Variants in PRSS12 observed in about 807,000 individuals in gnomAD.
The protein encoded by PRSS12 is serine protease 12, also known as neurotrypsin.
Under a neutral mutation model 104.4 loss-of-function variants are expected in PRSS12, and 85 were observed. The ratio of observed to expected loss-of-function variants is 0.81; its 90% CI spans 0.68 to 0.98. The LOEUF is 0.98. Ranked by LOEUF, PRSS12 falls within the 50% of genes least tolerant of loss-of-function variation. The pLI is 0.00. For synonymous variants in PRSS12, 454 were observed against 425.2 expected (o/e 1.07, Z -0.83); for missense variants, 1,141 against 1,139.2 (o/e 1.00, Z -0.02).
chr4:118,352,134 T>C, intron 1 of PRSS12, 85 bp downstream of exon 1: 3 of 1,565,548 alleles, frequency 1.9e-6, no homozygotes, highest in Middle Eastern at 1.8e-4. Flanking sequence ...CCCGTCACTT[T>C]TTCCAAGAGA....
At chr4:118,296,742 T>C (rs1320998892) in intron 9 of PRSS12, among the ~76,000 whole-genome samples, 2 of 152,152 alleles carry the variant, frequency 1.3e-5, no homozygotes, top group African/African-American at 4.8e-5. Flanking sequence ...GCAATAGTTA[T>C]TTCTTGGTGG....
At chr4:118,290,677 G>C (rs1012910593) in intron 11 of PRSS12, among the ~76,000 whole-genome samples, 1 of 151,918 alleles carries the variant, frequency 6.6e-6, no homozygotes, top group East Asian at 1.9e-4. Context: ...GTAAAATGAC[G>C]TAACCTGAGA....
At chr4:118,323,095 C>T (rs896324253) in intron 4 of PRSS12, among the ~76,000 whole-genome samples, 7 of 151,974 alleles carry the variant, frequency 4.6e-5, no homozygotes, top group South Asian at 4.1e-4. Flanking sequence ...TATTTACTCT[C>T]TGGCCCTTTA....
rs1742833361 is a variant in PRSS12, at chr4:118,280,999, T to C, written c.*937A>G. 6.6e-6 allele frequency: 1 copy of C among 152,244 alleles called. No individual in the cohort carries two copies. The highest frequency in any genetic ancestry group is 6.5e-5 in the Admixed American group (1 of 15,288). The allele number at this position is 152,244 out of a possible 1,614,324, so 9.4% of individuals were successfully genotyped here. ...TGCTGTATGTATTAGAACTTTTCAA[T>C]GTGTAGGCCAGGAAAGCATTTTGAC... On this transcript the variant is annotated 3_prime_UTR_variant, in exon 13 of 13. Transcript: ENST00000296498.
intron 8 of PRSS12, among the ~76,000 whole-genome samples, chr4:118,306,506 T>C (rs927139901): frequency 5.3e-5 from 8 of 152,004 alleles, no homozygotes; most frequent in African/African-American, 1.9e-4. Flanking sequence ...AACAGGCAAG[T>C]CACACAGCAA....
chr4:118,282,390 T>G (rs1742905035), intron 12 of PRSS12, 147 bp from the exon 13 acceptor site: 1 of 1,030,650 alleles, frequency 9.7e-7, no homozygotes, highest in Non-Finnish European at 1.5e-6. Flanking sequence ...TGGTATGTAC[T>G]ATTGTTAGCT....
intron 11 of PRSS12, among the ~76,000 whole-genome samples, chr4:118,284,390 A>G (rs1188828641): frequency 6.6e-6 from 1 of 152,200 alleles, no homozygotes; most frequent in East Asian, 1.9e-4. Flanking sequence ...CTAGAGCTCC[A>G]TGCTCATTGC....
chr4:118,285,927 A>C (rs1743003427), intron 11 of PRSS12, among the ~76,000 whole-genome samples: 1 of 152,210 alleles, frequency 6.6e-6, no homozygotes, highest in South Asian at 2.1e-4. Flanking sequence ...TTTGCAGCTA[A>C]ACTGGCTGTA....
chr4:118,311,354 TTGAC>T (rs1317376800), intron 7 of PRSS12, among the ~76,000 whole-genome samples: 3 of 152,132 alleles, frequency 2.0e-5, no homozygotes, highest in Non-Finnish European at 4.4e-5. Context: ...GAAGTTTCCC[TTGAC>T]ATATAAAGTT....
At position 118,325,251 on chromosome 4, in the gene PRSS12, G is replaced by A. The variant is rs760716892; in HGVS notation, c.971+6465C>T. On this transcript the variant is annotated intron_variant, in intron 4 of 12. Transcript: ENST00000296498. The stretch of plus-strand genomic sequence containing the variant: ...TGCAGGCTACTGCGGGATGAGAGAC[G>A]TAGGTTGAAAAACTACCTATGGGTA... 5.3e-5 allele frequency among the ~76,000 whole-genome samples: 8 copies of A among 150,844 alleles called. 1 individual carries two copies. The highest frequency in any genetic ancestry group is 1.2e-4 in the Non-Finnish European group (8 of 67,768).
At chr4:118,349,744 T>C (rs1724445798) in intron 1 of PRSS12, among the ~76,000 whole-genome samples, 1 of 152,206 alleles carries the variant, frequency 6.6e-6, no homozygotes, top group Non-Finnish European at 1.5e-5. Flanking sequence ...GGCTCACACC[T>C]GTAATCCCAG....
intron 8 of PRSS12, among the ~76,000 whole-genome samples, chr4:118,304,835 T>C (rs981925239): frequency 6.6e-6 from 1 of 152,020 alleles, no homozygotes; most frequent in African/African-American, 2.4e-5. Flanking sequence ...TTTTTTATTA[T>C]CTCATTTCTG....
intron 4 of PRSS12, among the ~76,000 whole-genome samples, chr4:118,324,245 CAGA>C (rs1249807876): frequency 6.6e-5 from 10 of 151,932 alleles, no homozygotes; most frequent in African/African-American, 1.5e-4. Flanking sequence ...CAACTATGCA[CAGA>C]AGAAGTAATA....
At chr4:118,338,064 G>T in intron 2 of PRSS12, 112 bp downstream of exon 2, 1 of 1,379,334 alleles carries the variant, frequency 7.2e-7, no homozygotes, top group Non-Finnish European at 1.0e-6. Context: ...AAGTGAGAAT[G>T]AGGAAAGTGA....
intron 4 of PRSS12, among the ~76,000 whole-genome samples, chr4:118,320,646 G>A (rs1408050540): frequency 6.6e-6 from 1 of 152,028 alleles, no homozygotes; most frequent in Admixed American, 6.6e-5. Flanking sequence ...CCAGCTACTC[G>A]GGAGGCCAAG....
chr4:118,289,738 C>A (rs1366436124), intron 11 of PRSS12, among the ~76,000 whole-genome samples: 1 of 152,156 alleles, frequency 6.6e-6, no homozygotes, highest in Non-Finnish European at 1.5e-5. Flanking sequence ...TTAGGCGCTT[C>A]AAACAGGAAG....
chr4:118,313,400 G>C lies in PRSS12; in HGVS notation c.1293-3C>G, dbSNP rs1211326062. On this transcript the variant is annotated splice_region_variant and splice_polypyrimidine_tract_variant and intron_variant, in intron 6 of 12. Transcript: ENST00000296498. Reference sequence around the variant, plus strand: ...TGGCAGATGCTTGTTTACCATATCTGTGACAATTGAATAAACACTGTGTAT... The same window carrying C: ...TGGCAGATGCTTGTTTACCATATCTCTGACAATTGAATAAACACTGTGTAT... 4 of 1,613,642 alleles carry C rather than the reference G, an allele frequency of 2.5e-6. No homozygotes were observed. Among genetic ancestry groups the C allele is most frequent in the Non-Finnish European group, 2.5e-6 (3 of 1,179,660 alleles).
In PRSS12 at chr4:118,298,776, A is replaced by T; in HGVS notation, c.1794T>A (p.Ile598=). The change falls in exon 9 of 13, where the codon ATT becomes ATA. Residue 598 remains isoleucine, a synonymous_variant. Transcript: ENST00000296498. ...NCRHSEDAGV[I]CDYFGKKASG... is the part of the protein sequence containing the mutation. ...AGGCCTTCTTGCCAAAATAATCACA[A>T]ATAACTCCTGCATCTTCACTGTGGC... 6.2e-7 allele frequency: 1 copy of T among 1,614,204 alleles called. No homozygotes were observed. The highest frequency in any genetic ancestry group is 8.5e-7 in the Non-Finnish European group (1 of 1,180,022).
At chr4:118,304,641 C>T (rs563484464) in intron 8 of PRSS12, among the ~76,000 whole-genome samples, 39 of 151,956 alleles carry the variant, frequency 2.6e-4, no homozygotes, top group African/African-American at 9.4e-4. Context: ...ATGGAATTTC[C>T]GTCATGACTA....
Sources: allele counts gnomAD v4.1 joint callset (sites outside exome capture counted in the v4.1 genomes callset), GRCh38; gene constraint gnomAD v4.1.1; transcripts MANE v1.5; gene names NCBI Gene and HGNC (gene_info 2026-07-23, HGNC 2026-07-21).